MACROD2: variants seen among roughly 807,000 people sequenced by gnomAD.
MACROD2 encodes the protein mono-ADP ribosylhydrolase 2, also known as ADP-ribose glycohydrolase MACROD2.
MACROD2 carries 36 observed loss-of-function variants against 70.4 expected under a neutral mutation model. That is an observed-to-expected ratio of 0.51 (90% CI 0.39 to 0.68). The LOEUF is 0.68. Among genes scored for constraint, MACROD2 ranks in the 30% least tolerant of loss-of-function variants. The pLI, the probability that MACROD2 is intolerant of heterozygous loss-of-function variation, is 0.00. For missense variants in MACROD2, 496 were observed against 538.4 expected (o/e 0.92, Z 0.78); for synonymous variants, 172 against 178.8 (o/e 0.96, Z 0.30).
intron 4 of MACROD2, among the ~76,000 whole-genome samples, chr20:14,559,001 T>C (rs1327553609): frequency 1.3e-5 from 2 of 151,780 alleles, no homozygotes; most frequent in Non-Finnish European, 3.0e-5. Flanking sequence ...ACAAATGTAC[T>C]GAATCGATTT....
intron 6 of MACROD2, among the ~76,000 whole-genome samples, chr20:15,413,417 T>A (rs2046105053): frequency 6.6e-6 from 1 of 152,194 alleles, no homozygotes; most frequent in Non-Finnish European, 1.5e-5. Context: ...TTAGTAGCTC[T>A]AATCTTATGA....
intron 5 of MACROD2, among the ~76,000 whole-genome samples, chr20:15,082,370 G>T (rs78291386): frequency 0.029 from 4,486 of 152,118 alleles, 99 homozygotes; most frequent in Non-Finnish European, 0.044. Flanking sequence ...TAGTTTGGAG[G>T]CTGTGTCATA....
chr20:15,452,426 A>G (rs1397659718), intron 7 of MACROD2, among the ~76,000 whole-genome samples: 1 of 152,210 alleles, frequency 6.6e-6, no homozygotes, highest in Non-Finnish European at 1.5e-5. Context: ...CCTGCCTGCC[A>G]GTAGAATATA....
In MACROD2 at chr20:15,653,836, C is replaced by T. The variant is rs566494463; in HGVS notation, c.645+153989C>T. Among the ~76,000 whole-genome samples, 38 of 152,230 alleles carry T rather than the reference C, an allele frequency of 2.5e-4. No individual in the cohort carries two copies. In the South Asian group the frequency reaches 7.5e-3, roughly 30 times the overall value. On this transcript the variant is annotated intron_variant, in intron 8 of 17. Transcript: ENST00000684519. The stretch of plus-strand genomic sequence containing the variant: ...TATTCATACTGGAAAACTGGTAAGA[C>T]CTTGTAACCCTCAGCATTCTTTTGC...
At chr20:14,332,413 A>G (rs996112859) in intron 3 of MACROD2, among the ~76,000 whole-genome samples, 4 of 152,062 alleles carry the variant, frequency 2.6e-5, no homozygotes, top group African/African-American at 9.7e-5. Flanking sequence ...TGCTACTACA[A>G]TATTTTGGAG....
intron 7 of MACROD2, among the ~76,000 whole-genome samples, chr20:15,469,884 G>A (rs2046942381): frequency 6.6e-6 from 1 of 152,084 alleles, no homozygotes; most frequent in African/African-American, 2.4e-5. Flanking sequence ...ATGATATGAG[G>A]TCTCTTTATT....
intron 5 of MACROD2, among the ~76,000 whole-genome samples, chr20:15,191,016 G>C (rs2076566994): frequency 1.3e-5 from 2 of 152,156 alleles, no homozygotes; most frequent in Admixed American, 1.3e-4. Flanking sequence ...GGTCAGCAAG[G>C]CCGCAGTGCC....
chr20:15,479,265 C>CTTT (rs767435610), intron 7 of MACROD2, among the ~76,000 whole-genome samples: 978 of 87,758 alleles, frequency 0.011, 26 homozygotes, highest in African/African-American at 0.032. Context: ...TTCTCGCTCT[C>CTTT]TTTTTTTTTT....
At chr20:15,653,731 A>T (rs777886702) in intron 8 of MACROD2, among the ~76,000 whole-genome samples, 1 of 152,080 alleles carries the variant, frequency 6.6e-6, no homozygotes, top group African/African-American at 2.4e-5. Flanking sequence ...TTACCAGTGC[A>T]CTGGGTTGTT....
At chr20:14,405,041 A>T (rs1046525647) in intron 3 of MACROD2, among the ~76,000 whole-genome samples, 1 of 152,208 alleles carries the variant, frequency 6.6e-6, no homozygotes, top group African/African-American at 2.4e-5. Context: ...ATAAAATTTA[A>T]AGTAAGCATA....
chr20:14,141,511 T>A (rs1021245023), intron 3 of MACROD2, among the ~76,000 whole-genome samples: 1 of 152,050 alleles, frequency 6.6e-6, no homozygotes, highest in African/African-American at 2.4e-5. Flanking sequence ...TTTGGGAGGC[T>A]GAGGTGGGTG....
intron 5 of MACROD2, among the ~76,000 whole-genome samples, chr20:14,880,204 CGTAT>C (rs1308527319): frequency 6.6e-6 from 1 of 152,104 alleles, no homozygotes; most frequent in Non-Finnish European, 1.5e-5. Context: ...AGAAAAGATA[CGTAT>C]GTCCACAGTT....
intron 8 of MACROD2, among the ~76,000 whole-genome samples, chr20:15,533,837 G>A (rs1317556768): frequency 2.0e-5 from 3 of 152,100 alleles, no homozygotes; most frequent in African/African-American, 7.2e-5. Context: ...AGACTTGTCT[G>A]GAAGCTAAAT....
intron 5 of MACROD2, among the ~76,000 whole-genome samples, chr20:14,719,843 G>T (rs1177714611): frequency 6.6e-6 from 1 of 152,178 alleles, no homozygotes; most frequent in African/African-American, 2.4e-5. Flanking sequence ...CCATGTGTGC[G>T]CAATCTTCAG....
At chr20:15,085,873 A>ACCAC (rs35503821) in intron 5 of MACROD2, among the ~76,000 whole-genome samples, 1 of 144,292 alleles carries the variant, frequency 6.9e-6, no homozygotes, top group Non-Finnish European at 1.5e-5. Context: ...ACACACACAC[A>ACCAC]ACACACACAC....
intron 3 of MACROD2, among the ~76,000 whole-genome samples, chr20:14,442,664 T>A (rs1395058800): frequency 6.6e-6 from 1 of 152,072 alleles, no homozygotes; most frequent in African/African-American, 2.4e-5. Context: ...TTCCTAATGC[T>A]CTTCTTCTGG....
At chr20:14,359,798 G>A (rs930854674) in intron 3 of MACROD2, among the ~76,000 whole-genome samples, 4 of 152,096 alleles carry the variant, frequency 2.6e-5, no homozygotes, top group Admixed American at 6.5e-5. Context: ...GGAGGTTGAC[G>A]CTGCAGTGAA....
chr20:15,252,573 A>T (rs898827212), intron 6 of MACROD2, among the ~76,000 whole-genome samples: 1 of 152,322 alleles, frequency 6.6e-6, no homozygotes, highest in East Asian at 1.9e-4. Context: ...TCATTCGGCC[A>T]TACCTACATT....
At chr20:15,144,433 C>T (rs1417522341) in intron 5 of MACROD2, among the ~76,000 whole-genome samples, 1 of 152,070 alleles carries the variant, frequency 6.6e-6, no homozygotes, top group African/African-American at 2.4e-5. Context: ...ATTTTTTACC[C>T]CTTATCCAAT....
Sources: gnomAD v4.1 joint callset for allele counts (sites outside exome capture counted in the v4.1 genomes callset) on GRCh38, gnomAD v4.1.1 for gene constraint, MANE v1.5 for transcripts, NCBI Gene and HGNC (gene_info 2026-07-23, HGNC 2026-07-21) for gene names.